The following TIAM1 variants were observed in gnomAD, a reference collection of about 807,000 sequenced individuals.
The protein encoded by TIAM1 is TIAM Rac1 associated GEF 1, also known as rho guanine nucleotide exchange factor TIAM1.
Under a neutral mutation model 163.5 loss-of-function variants are expected in TIAM1, and 65 were observed. That is an observed-to-expected ratio of 0.40 (90% confidence interval 0.33 to 0.49). The LOEUF (loss-of-function observed/expected upper bound fraction) is 0.49. Among genes scored for constraint, TIAM1 ranks in the 20% least tolerant of loss-of-function variants. TIAM1 has a pLI of 0.77. For synonymous variants in TIAM1, 833 were observed against 810.1 expected, an observed-to-expected ratio of 1.03 and a Z score of -0.48; for missense variants, 1,789 against 2,044.7, an observed-to-expected ratio of 0.87 and a Z score of 2.41.
chr21:31,436,488 A>G (rs559138490), intron 2 of TIAM1, among the ~76,000 whole-genome samples: 2 of 151,960 alleles, frequency 1.3e-5, no homozygotes, highest in Non-Finnish European at 2.9e-5. Context: ...TTAGCCAGGC[A>G]TGGTTACGCA....
chr21:31,456,107 C>T (rs1602323875), intron 2 of TIAM1, among the ~76,000 whole-genome samples: 1 of 152,214 alleles, frequency 6.6e-6, no homozygotes, highest in Non-Finnish European at 1.5e-5. Context: ...TATGTCACTA[C>T]ACTCAAGTGG....
chr21:31,317,430 G>T (rs2075165024), intron 2 of TIAM1, among the ~76,000 whole-genome samples: 1 of 151,942 alleles, frequency 6.6e-6, no homozygotes, highest in Non-Finnish European at 1.5e-5. Flanking sequence ...TCCAGCCTGG[G>T]TAACAAGAGT....
At chr21:31,553,584 C>T (rs1049690818) in intron 1 of TIAM1, among the ~76,000 whole-genome samples, 10 of 152,120 alleles carry the variant, frequency 6.6e-5, no homozygotes, top group East Asian at 5.8e-4. Flanking sequence ...GCCTGGAATG[C>T]GGCCACCCAG....
chr21:31,249,218 CATT>C (rs2071665219), intron 5 of TIAM1, among the ~76,000 whole-genome samples: 1 of 152,066 alleles, frequency 6.6e-6, no homozygotes, highest in African/African-American at 2.4e-5. Flanking sequence ...TAAATGGTGC[CATT>C]ATAAGAAGGA....
intron 14 of TIAM1, among the ~76,000 whole-genome samples, chr21:31,186,266 G>A (rs768642114): frequency 5.9e-5 from 9 of 152,174 alleles, no homozygotes; most frequent in Non-Finnish European, 8.8e-5. Context: ...CTCAACTTTC[G>A]CAGATTCTTC....
At chr21:31,144,683 GC>G (rs1384284045) in intron 20 of TIAM1, among the ~76,000 whole-genome samples, 1 of 151,730 alleles carries the variant, frequency 6.6e-6, no homozygotes, top group African/African-American at 2.4e-5. Context: ...ACAAAAATTA[GC>G]TGGGCATGGT....
chr21:31,349,642 C>A (rs2076202773), intron 2 of TIAM1, among the ~76,000 whole-genome samples: 1 of 152,164 alleles, frequency 6.6e-6, no homozygotes. Flanking sequence ...AATTTCAGTC[C>A]TGCCATTTCT....
intron 13 of TIAM1, among the ~76,000 whole-genome samples, chr21:31,188,270 A>G (rs1458359208): frequency 1.3e-5 from 2 of 152,198 alleles, no homozygotes; most frequent in Non-Finnish European, 2.9e-5. Context: ...ACCCGTGAGG[A>G]CTTTCCAAAG....
rs556021011 is a variant in TIAM1, at chr21:31,469,704, C to T, written c.-421-5669G>A. Reference sequence around the variant, plus strand: ...AAAATTAGCCGGGTGTGGTGGCGGGCGCCTGTAGTCCCAGCTACTCAGAAG... The same window carrying T: ...AAAATTAGCCGGGTGTGGTGGCGGGTGCCTGTAGTCCCAGCTACTCAGAAG... On this transcript the variant is annotated intron_variant, in intron 1 of 28. Transcript: ENST00000286827. Among the ~76,000 whole-genome samples, 32 of 151,898 alleles carry T rather than the reference C, an allele frequency of 2.1e-4. No individual in the cohort carries two copies. In the South Asian group the frequency reaches 4.4e-3, roughly 21 times the overall value.
chr21:31,227,000 AGGCTGGAGTGCAGT>A (rs796182257), intron 6 of TIAM1, among the ~76,000 whole-genome samples: 3 of 128,180 alleles, frequency 2.3e-5, no homozygotes, highest in African/African-American at 9.2e-5. Context: ...TCTGTTGCCC[AGGCTGGAGTGCAGT>A]GGCGCGATCT....
intron 2 of TIAM1, among the ~76,000 whole-genome samples, chr21:31,281,193 G>A (rs1430968862): frequency 1.3e-5 from 2 of 151,458 alleles, no homozygotes; most frequent in African/African-American, 2.4e-5. Flanking sequence ...TAGAGAAAAG[G>A]ATACTGTATT....
intron 2 of TIAM1, among the ~76,000 whole-genome samples, chr21:31,394,168 C>T (rs973676054): frequency 3.3e-5 from 5 of 152,076 alleles, no homozygotes; most frequent in Non-Finnish European, 7.4e-5. Flanking sequence ...TATTATCCGG[C>T]ACTGAGAAGA....
intron 1 of TIAM1, among the ~76,000 whole-genome samples, chr21:31,558,517 C>G (rs80312713): frequency 1.3e-5 from 2 of 152,222 alleles, no homozygotes; most frequent in African/African-American, 4.8e-5. Context: ...CACAAGCACG[C>G]CCTCCCCGAA....
chr21:31,283,422 C>T (rs1244380224), intron 2 of TIAM1, among the ~76,000 whole-genome samples: 2 of 152,148 alleles, frequency 1.3e-5, no homozygotes, highest in African/African-American at 2.4e-5. Context: ...GGCCCCAGCT[C>T]GCTGAAATGG....
intron 2 of TIAM1, among the ~76,000 whole-genome samples, chr21:31,417,340 CAA>C (rs1480136153): frequency 6.6e-6 from 1 of 152,098 alleles, no homozygotes; most frequent in Admixed American, 6.6e-5. Context: ...AATTTATAAA[CAA>C]AAAGAGATTT....
intron 2 of TIAM1, among the ~76,000 whole-genome samples, chr21:31,327,803 C>T (rs2075544631): frequency 6.6e-6 from 1 of 152,216 alleles, no homozygotes; most frequent in Middle Eastern, 3.4e-3. Context: ...TGCCCAAACA[C>T]AGGCTTACTG....
chr21:31,367,992 T>C (rs1426296882), intron 2 of TIAM1, among the ~76,000 whole-genome samples: 1 of 152,116 alleles, frequency 6.6e-6, no homozygotes, highest in Non-Finnish European at 1.5e-5. Context: ...AACCCAAAAA[T>C]AGCCACTCTA....
intron 9 of TIAM1, among the ~76,000 whole-genome samples, 193 bp downstream of exon 9, chr21:31,217,360 T>C (rs750197148): frequency 6.6e-6 from 1 of 152,194 alleles, no homozygotes; most frequent in African/African-American, 2.4e-5. Flanking sequence ...AGCTTGGTGA[T>C]AGACTAATAG....
chr21:31,361,848 G>GATAT (rs2076411748), intron 2 of TIAM1, among the ~76,000 whole-genome samples: 1 of 148,940 alleles, frequency 6.7e-6, no homozygotes, highest in Non-Finnish European at 1.5e-5. Flanking sequence ...TAGATAGATA[G>GATAT]ATAGATAGAT....
Sources: gnomAD v4.1 joint callset for allele counts (sites outside exome capture counted in the v4.1 genomes callset) on GRCh38, gnomAD v4.1.1 for gene constraint, MANE v1.5 for transcripts, NCBI Gene and HGNC (gene_info 2026-07-23, HGNC 2026-07-21) for gene names.